CDH2: variants seen among roughly 807,000 people sequenced by gnomAD.
CDH2 encodes cadherin 2, also known as cadherin-2.
A neutral mutation model predicts 92.0 loss-of-function variants in CDH2; 17 were observed. The ratio of observed to expected loss-of-function variants is 0.18; its 90% confidence interval spans 0.13 to 0.28. The LOEUF is 0.28. CDH2 is among the 10% of genes least tolerant of loss of function. The pLI is 1.00. For synonymous variants in CDH2, 419 were observed against 415.9 expected (o/e 1.01, Z -0.09); for missense variants, 862 against 1,133.1 (o/e 0.76, Z 3.44).
intron 1 of CDH2, among the ~76,000 whole-genome samples, chr18:28,160,143 A>G (rs532115066): frequency 1.3e-5 from 2 of 150,392 alleles, no homozygotes; most frequent in African/African-American, 2.5e-5. Context: ...TTTAAGAGGT[A>G]GCGCCTCGAG....
At chr18:28,042,594 G>A (rs187484355) in intron 2 of CDH2, among the ~76,000 whole-genome samples, 1 of 152,038 alleles carries the variant, frequency 6.6e-6, no homozygotes. Context: ...TATGTTCCAG[G>A]CACTGTTAGG....
intron 1 of CDH2, among the ~76,000 whole-genome samples, chr18:28,166,149 C>CATATATATGTATATAT (rs1555648249): frequency 1.7e-5 from 1 of 59,292 alleles, no homozygotes; most frequent in African/African-American, 7.5e-5. Flanking sequence ...CAGACACACT[C>CATATATATGTATATAT]ATATATATAT....
intron 2 of CDH2, among the ~76,000 whole-genome samples, chr18:28,027,097 T>C (rs2013573679): frequency 1.3e-5 from 2 of 152,092 alleles, no homozygotes; most frequent in Admixed American, 6.6e-5. Context: ...CATGGAGAAC[T>C]GCCCTGAGAG....
intron 14 of CDH2, among the ~76,000 whole-genome samples, chr18:27,968,767 T>G (rs2011587666): frequency 6.6e-6 from 1 of 152,132 alleles, no homozygotes; most frequent in Non-Finnish European, 1.5e-5. Context: ...ACATTAAAAA[T>G]GTTTCAAGAC....
intron 14 of CDH2, among the ~76,000 whole-genome samples, chr18:27,971,100 G>C (rs1009288940): frequency 6.6e-6 from 1 of 152,082 alleles, no homozygotes; most frequent in Non-Finnish European, 1.5e-5. Context: ...GCTGGGCGTC[G>C]TGGCACACGC....
intron 6 of CDH2, among the ~76,000 whole-genome samples, chr18:28,004,221 A>C (rs928159277): frequency 1.3e-5 from 2 of 152,190 alleles, no homozygotes; most frequent in Non-Finnish European, 2.9e-5. Flanking sequence ...TTTAAGCTCC[A>C]ACAGGGCAGG....
In CDH2 at chr18:28,154,022, G is replaced by A. The variant is rs144497926; in HGVS notation, c.61-6238C>T. Among the ~76,000 whole-genome samples the A allele has an allele frequency of 2.7e-3, 409 of 152,280 alleles. 8 individuals carry two copies. The highest frequency in any genetic ancestry group is 9.4e-3 in the African/African-American group (389 of 41,548). The stretch of plus-strand genomic sequence containing the variant: ...GGATAAATCTGTGTATTTAACAAGT[G>A]CCTGTGCTGCAAGTGGTGGCCACAC... On this transcript the variant is annotated intron_variant, in intron 1 of 15. Transcript: ENST00000269141.
At chr18:27,955,865 T>C (rs2011235115) in intron 15 of CDH2, among the ~76,000 whole-genome samples, 1 of 151,496 alleles carries the variant, frequency 6.6e-6, no homozygotes, top group Non-Finnish European at 1.5e-5. Context: ...TTTTAATAAT[T>C]ACAAAAGGGC....
At chr18:28,155,380 T>C (rs2016192056) in intron 1 of CDH2, among the ~76,000 whole-genome samples, 1 of 152,252 alleles carries the variant, frequency 6.6e-6, no homozygotes, top group Non-Finnish European at 1.5e-5. Flanking sequence ...TTAGCTATTA[T>C]GATGCTGGTA....
At chr18:28,056,513 T>C (rs181685321) in intron 2 of CDH2, among the ~76,000 whole-genome samples, 1 of 152,268 alleles carries the variant, frequency 6.6e-6, no homozygotes, top group Admixed American at 6.5e-5. Context: ...CTGGGTCCTC[T>C]CTATTAAAAA....
intron 2 of CDH2, among the ~76,000 whole-genome samples, chr18:28,145,708 G>C (rs1568016034): frequency 6.6e-6 from 1 of 151,798 alleles, no homozygotes; most frequent in Non-Finnish European, 1.5e-5. Flanking sequence ...CTTCCAAAAA[G>C]TTGTTTTTTT....
chr18:28,023,933 C>T (rs1224007504), intron 2 of CDH2, among the ~76,000 whole-genome samples: 1 of 152,068 alleles, frequency 6.6e-6, no homozygotes, highest in Non-Finnish European at 1.5e-5. Flanking sequence ...TGATAGTGAA[C>T]ATATAGGCTG....
At chr18:27,957,004 A>C (rs1300213536) in intron 15 of CDH2, among the ~76,000 whole-genome samples, 1 of 152,120 alleles carries the variant, frequency 6.6e-6, no homozygotes, top group African/African-American at 2.4e-5. Context: ...ACCACGACTG[A>C]ATTATGCACC....
intron 2 of CDH2, among the ~76,000 whole-genome samples, chr18:28,052,073 C>A (rs536208264): frequency 6.6e-6 from 1 of 152,040 alleles, no homozygotes; most frequent in Non-Finnish European, 1.5e-5. Context: ...ATAGCCCAAA[C>A]GTAATGAATA....
intron 15 of CDH2, among the ~76,000 whole-genome samples, chr18:27,960,903 T>G (rs1246354736): frequency 6.6e-6 from 1 of 152,140 alleles, no homozygotes; most frequent in East Asian, 1.9e-4. Flanking sequence ...GAGCACTGTT[T>G]AGGAGAAAGA....
intron 1 of CDH2, among the ~76,000 whole-genome samples, chr18:28,162,598 A>C (rs2016322622): frequency 6.6e-6 from 1 of 152,156 alleles, no homozygotes; most frequent in Non-Finnish European, 1.5e-5. Flanking sequence ...CATGAAACTG[A>C]GATCTTTTAA....
chr18:27,985,409 T>C, intron 12 of CDH2, 119 bp downstream of exon 12: 3 of 846,190 alleles, frequency 3.5e-6, no homozygotes, highest in Non-Finnish European at 5.4e-6. Context: ...ACTTAAACTT[T>C]AAGTAGCTTT....
intron 6 of CDH2, among the ~76,000 whole-genome samples, chr18:27,943,184 C>T (rs1598977180): frequency 6.6e-6 from 1 of 152,132 alleles, no homozygotes. Flanking sequence ...CTAATACACA[C>T]GTGGTACTAT....
chr18:28,122,303 T>C (rs1043124507), intron 2 of CDH2, among the ~76,000 whole-genome samples: 4 of 152,132 alleles, frequency 2.6e-5, no homozygotes, highest in African/African-American at 9.6e-5. Context: ...CCCCCCTTTT[T>C]AATGAAAAGC....
Sources: gnomAD v4.1 joint callset for allele counts (sites outside exome capture counted in the v4.1 genomes callset) on GRCh38, gnomAD v4.1.1 for gene constraint, MANE v1.5 for transcripts, NCBI Gene and HGNC (gene_info 2026-07-23, HGNC 2026-07-21) for gene names.